PDE4D: variants seen among roughly 807,000 people sequenced by gnomAD.
PDE4D encodes 3',5'-cyclic-AMP phosphodiesterase 4D.
A neutral mutation model predicts 87.4 loss-of-function variants in PDE4D; 24 were observed. That is an observed-to-expected ratio of 0.27 (90% CI 0.20 to 0.39). The LOEUF (loss-of-function observed/expected upper bound fraction) is 0.39. PDE4D is among the 10% of genes least tolerant of loss of function. The probability of loss-of-function intolerance (pLI) is 1.00; values close to 1 mark genes in which losing one functional copy is unlikely to be tolerated. For synonymous variants in PDE4D, 384 were observed against 383.2 expected (o/e 1.00, Z -0.02); for missense variants, 714 against 1,041.0 (o/e 0.69, Z 4.32).
chr5:59,849,200 AAT>A (rs1744314910), intron 1 of PDE4D, among the ~76,000 whole-genome samples: 1 of 152,040 alleles, frequency 6.6e-6, no homozygotes, highest in Non-Finnish European at 1.5e-5. Flanking sequence ...ATTTGGTTTA[AAT>A]AGTCATCTGG....
chr5:59,802,304 A>G (rs894906025), intron 1 of PDE4D, among the ~76,000 whole-genome samples: 1 of 151,958 alleles, frequency 6.6e-6, no homozygotes, highest in African/African-American at 2.4e-5. Flanking sequence ...CACTTTAGTT[A>G]AGAAATACAT....
intron 2 of PDE4D, among the ~76,000 whole-genome samples, chr5:60,171,656 T>G (rs1413776032): frequency 6.6e-6 from 1 of 152,092 alleles, no homozygotes; most frequent in Non-Finnish European, 1.5e-5. Flanking sequence ...CATCCTCTAA[T>G]CAGAAATGAA....
chr5:60,483,285 T>A (rs558387354), intron 1 of PDE4D, among the ~76,000 whole-genome samples: 1 of 152,242 alleles, frequency 6.6e-6, no homozygotes, highest in African/African-American at 2.4e-5. Context: ...CACCTCAGCA[T>A]CCCAAGTAGC....
intron 6 of PDE4D, among the ~76,000 whole-genome samples, chr5:59,003,891 G>A (rs1296007010): frequency 6.6e-6 from 1 of 151,994 alleles, no homozygotes; most frequent in Non-Finnish European, 1.5e-5. Flanking sequence ...TGAAGAACAG[G>A]TGGAAGTGTC....
chr5:59,043,802 G>A lies in PDE4D; in HGVS notation c.809-4831C>T, dbSNP rs529422742. 1.2e-4 allele frequency among the ~76,000 whole-genome samples: 18 copies of A among 151,784 alleles called. No individual in the cohort carries two copies. The South Asian group carries it at 1.5e-3, about 12-fold the overall frequency. On this transcript the variant is annotated intron_variant, in intron 5 of 14. Coordinates refer to ENST00000340635, the MANE Select transcript of PDE4D (RefSeq NM_001104631.2). ...TTCCCACCTATGAGTGAGAACATGC[G>A]GTATTTGGTTTTTTGTCCTTGTGAT...
chr5:59,524,747 C>T (rs1038391880), intron 1 of PDE4D, among the ~76,000 whole-genome samples: 7 of 152,184 alleles, frequency 4.6e-5, no homozygotes, highest in African/African-American at 1.7e-4. Flanking sequence ...CCTAGGGTCC[C>T]CCTGCTCTGT....
Position 58,988,565 on chromosome 5 carries a change from C to A in PDE4D, c.1480G>T (p.Ala494Ser). Residue 494 changes from alanine (A) to serine (S), a missense_variant, in exon 11 of 15, where the codon GCA becomes TCA. Around this residue, in one of 7 missense-constraint regions of PDE4D, gnomAD observed 141 missense variants for 204.3 expected, o/e 0.69. Transcript: ENST00000340635. Reference protein sequence around the residue: ...EAVFTDLEILAAIFASAIHDV... With the variant: ...EAVFTDLEILSAIFASAIHDV... ...TGTATTGCACTGGCAAAAATTGCTG[C>A]AAGAATCTCCAAATCTGTAAACACA... The A allele has an allele frequency of 1.3e-6, 2 of 1,495,204 alleles. No homozygotes were observed. The highest frequency in any genetic ancestry group is 2.5e-5 in the East Asian group (1 of 39,756). The allele number at this position is 1,495,204 out of a possible 1,614,324, so 92.6% of individuals were successfully genotyped here.
chr5:59,333,700 A>G (rs909625060), intron 1 of PDE4D, among the ~76,000 whole-genome samples: 1 of 152,154 alleles, frequency 6.6e-6, no homozygotes, highest in African/African-American at 2.4e-5. Context: ...TTATGGAGAG[A>G]TTTTGATTCC....
intron 1 of PDE4D, among the ~76,000 whole-genome samples, chr5:60,426,133 A>G (rs1334917490): frequency 6.6e-6 from 1 of 152,224 alleles, no homozygotes; most frequent in Non-Finnish European, 1.5e-5. Context: ...GCGTTTCCTC[A>G]AGGATCTGGA....
chr5:59,522,826 T>C (rs1003422821), intron 1 of PDE4D, among the ~76,000 whole-genome samples: 1 of 152,200 alleles, frequency 6.6e-6, no homozygotes, highest in Admixed American at 6.5e-5. Context: ...GAGTTAGAAT[T>C]ATCCTTAAAA....
intron 6 of PDE4D, among the ~76,000 whole-genome samples, chr5:59,009,271 A>G (rs562107816): frequency 3.9e-5 from 6 of 152,156 alleles, no homozygotes; most frequent in African/African-American, 1.4e-4. Context: ...AAAGACCTAT[A>G]TGAAAATGTT....
chr5:60,426,296 A>T (rs1235174670), intron 1 of PDE4D, among the ~76,000 whole-genome samples: 1 of 152,208 alleles, frequency 6.6e-6, no homozygotes, highest in Non-Finnish European at 1.5e-5. Flanking sequence ...TCCATCATTG[A>T]TAGGCTGGAT....
chr5:59,390,990 G>A (rs1788128813), intron 1 of PDE4D, among the ~76,000 whole-genome samples: 1 of 152,094 alleles, frequency 6.6e-6, no homozygotes, highest in African/African-American at 2.4e-5. Flanking sequence ...TAGAATTATG[G>A]TGCTATATTT....
chr5:59,414,404 G>T (rs996247185), intron 1 of PDE4D, among the ~76,000 whole-genome samples: 1 of 152,206 alleles, frequency 6.6e-6, no homozygotes, highest in African/African-American at 2.4e-5. Context: ...GGGAGGGACT[G>T]GACCTTGAAG....
At chr5:59,436,470 T>C (rs971068599) in intron 1 of PDE4D, among the ~76,000 whole-genome samples, 1 of 152,166 alleles carries the variant, frequency 6.6e-6, no homozygotes, top group Non-Finnish European at 1.5e-5. Flanking sequence ...ACTATTCTAG[T>C]AAAAGATGTT....
At chr5:59,339,299 T>C (rs1383255050) in intron 1 of PDE4D, among the ~76,000 whole-genome samples, 1 of 152,222 alleles carries the variant, frequency 6.6e-6, no homozygotes, top group East Asian at 1.9e-4. Context: ...TGAAATATTT[T>C]ATATTTTCTC....
intron 6 of PDE4D, among the ~76,000 whole-genome samples, chr5:59,003,997 T>A (rs1218677865): frequency 6.6e-6 from 1 of 152,174 alleles, no homozygotes; most frequent in Non-Finnish European, 1.5e-5. Flanking sequence ...ATCCATCAAT[T>A]TTATTCTTTG....
At chr5:59,479,486 A>G (rs1803876613) in intron 1 of PDE4D, among the ~76,000 whole-genome samples, 1 of 152,124 alleles carries the variant, frequency 6.6e-6, no homozygotes, top group Admixed American at 6.6e-5. Flanking sequence ...TCCAACCTGG[A>G]TAATAATTCC....
intron 5 of PDE4D, among the ~76,000 whole-genome samples, chr5:59,129,846 C>A (rs1467103591): frequency 6.6e-6 from 1 of 152,098 alleles, no homozygotes; most frequent in Non-Finnish European, 1.5e-5. Context: ...CTTCTCTGAG[C>A]CTCAGTTTCC....
Sources: allele counts gnomAD v4.1 joint callset (sites outside exome capture counted in the v4.1 genomes callset), GRCh38; gene constraint gnomAD v4.1.1; regional missense constraint gnomAD v4.1.1; transcripts MANE v1.5; gene names NCBI Gene and HGNC (gene_info 2026-07-23, HGNC 2026-07-21).